Variants in MILR1 observed in about 807,000 individuals in gnomAD.
MILR1 encodes allergin-1.
In MILR1, 31 loss-of-function variants were observed where a neutral mutation model predicts 18.5. The observed-to-expected ratio is 1.68, with a 90% CI of 1.26 to 2.26. The LOEUF is 2.26. Ranked by LOEUF, MILR1 falls within the 30% of genes most tolerant of loss-of-function variation. MILR1 has a pLI of 0.00. For synonymous variants in MILR1, 85 were observed against 56.2 expected (o/e 1.51, Z -2.30); for missense variants, 257 against 157.4 (o/e 1.63, Z -3.38).
chr17:64,466,159 C>A (rs575123110), intron 6 of MILR1, among the ~76,000 whole-genome samples: 1 of 152,282 alleles, frequency 6.6e-6, no homozygotes, highest in East Asian at 1.9e-4. Flanking sequence ...ATAAAACCAT[C>A]AGATCTTGTG....
At chr17:64,465,641 G>A in intron 6 of MILR1, 100 bp downstream of exon 6, 1 of 1,261,614 alleles carries the variant, frequency 7.9e-7, no homozygotes, top group Non-Finnish European at 1.1e-6. Context: ...TGGAGCAAAA[G>A]GGATAGAGTT....
the MILR1 span, chr17:64,491,705 C>A: frequency 9.8e-7 from 1 of 1,016,732 alleles, no homozygotes; most frequent in Non-Finnish European, 1.5e-6. Flanking sequence ...CGGGGTTTAC[C>A]ATGGTGCTGG....
intron 2 of MILR1, among the ~76,000 whole-genome samples, chr17:64,450,988 G>A (rs1181042372): frequency 1.3e-5 from 2 of 151,962 alleles, no homozygotes; most frequent in Non-Finnish European, 2.9e-5. Context: ...AAGGTCATAG[G>A]GCATACACAT....
chr17:64,494,125 AG>A, the MILR1 span, among the ~76,000 whole-genome samples: 1 of 152,222 alleles, frequency 6.6e-6, no homozygotes, highest in Admixed American at 6.5e-5. Flanking sequence ...ATTTGAATCT[AG>A]AACATTTCCC....
downstream of MILR1, among the ~76,000 whole-genome samples, chr17:64,472,974 G>A (rs1359256435): frequency 6.6e-6 from 1 of 152,224 alleles, no homozygotes; most frequent in African/African-American, 2.4e-5. Context: ...ATCTTGCTGG[G>A]ATGAGGAGCT....
the MILR1 span, among the ~76,000 whole-genome samples, chr17:64,495,070 C>T: frequency 6.7e-6 from 1 of 150,066 alleles, no homozygotes; most frequent in Non-Finnish European, 1.5e-5. Flanking sequence ...CCCAGCTACT[C>T]GGGAGGCTGA....
intron 4 of MILR1, among the ~76,000 whole-genome samples, chr17:64,459,377 G>A (rs2037371730): frequency 6.6e-6 from 1 of 152,100 alleles, no homozygotes; most frequent in Non-Finnish European, 1.5e-5. Context: ...AGGCTGCAGT[G>A]AGCTGTGATC....
the MILR1 span, among the ~76,000 whole-genome samples, chr17:64,481,650 A>G: frequency 6.6e-6 from 1 of 152,152 alleles, no homozygotes; most frequent in South Asian, 2.1e-4. Flanking sequence ...AGGTGGGCGG[A>G]TCACTTGAGG....
At chr17:64,489,523 G>A in the MILR1 span, among the ~76,000 whole-genome samples, 1 of 151,238 alleles carries the variant, frequency 6.6e-6, no homozygotes. Flanking sequence ...CATTTTGGGA[G>A]GCTGAGGCAG....
chr17:64,496,321 G>A, the MILR1 span: 20 of 814,518 alleles, frequency 2.5e-5, no homozygotes, highest in Non-Finnish European at 3.0e-5. Context: ...GGGAATACAG[G>A]GCCAGTTGCA....
the MILR1 span, among the ~76,000 whole-genome samples, chr17:64,489,932 T>C: frequency 7.1e-6 from 1 of 140,450 alleles, no homozygotes; most frequent in East Asian, 2.0e-4. Flanking sequence ...AATTTTTTTG[T>C]TTTTTTTTTT....
At chr17:64,481,426 T>G in the MILR1 span, 17 of 985,168 alleles carry the variant, frequency 1.7e-5, no homozygotes, top group Non-Finnish European at 2.0e-5. Context: ...CAGACAGAAA[T>G]GACGACTGCT....
intron 4 of MILR1, among the ~76,000 whole-genome samples, chr17:64,458,661 G>C (rs2037356586): frequency 6.6e-6 from 1 of 151,894 alleles, no homozygotes; most frequent in Admixed American, 6.6e-5. Context: ...GCTCTGGTCT[G>C]GTACCTCCAG....
the MILR1 span, chr17:64,485,172 C>T: frequency 6.5e-6 from 1 of 154,506 alleles, no homozygotes; most frequent in Non-Finnish European, 1.4e-5. Context: ...TTTCCTTCAT[C>T]TTGCCCCATT....
At chr17:64,464,061 A>C (rs2037492106) in intron 5 of MILR1, among the ~76,000 whole-genome samples, 1 of 149,744 alleles carries the variant, frequency 6.7e-6, no homozygotes. Context: ...TGACCTCGTG[A>C]TCCGCCCACC....
the MILR1 span, among the ~76,000 whole-genome samples, chr17:64,488,730 A>G: frequency 2.0e-5 from 3 of 152,156 alleles, no homozygotes; most frequent in East Asian, 5.8e-4. Context: ...CCAGTTAATA[A>G]GCCTTCTAGT....
chr17:64,450,142 G>A (rs933146604), intron 2 of MILR1, among the ~76,000 whole-genome samples: 30 of 152,032 alleles, frequency 2.0e-4, no homozygotes, highest in Non-Finnish European at 1.3e-4. Flanking sequence ...GTTTCACATC[G>A]TTAGCCAGGA....
rs1417413036 is a variant in MILR1, at chr17:64,455,696, G to A, written c.368-1704G>A. Among the ~76,000 whole-genome samples, 37 of 148,182 alleles carry A rather than the reference G, an allele frequency of 2.5e-4. No individual in the cohort carries two copies. The Admixed American group carries it at 2.5e-3, about 10-fold the overall frequency. ...AGGATGGTCTCAATCTCCTGACCTC[G>A]TGATCTGCCCACCTCGGCCTCCCAA... On this transcript the variant is annotated intron_variant, in intron 3 of 9. Transcript: ENST00000619286.
chr17:64,496,382 T>C, the MILR1 span: 1 of 1,498,624 alleles, frequency 6.7e-7, no homozygotes, highest in Non-Finnish European at 9.1e-7. Context: ...ACACCTGTTT[T>C]GAAGCATGAA....
Sources: gnomAD v4.1 joint callset for allele counts (sites outside exome capture counted in the v4.1 genomes callset) on GRCh38, gnomAD v4.1.1 for gene constraint, MANE v1.5 for transcripts, NCBI Gene and HGNC (gene_info 2026-07-23, HGNC 2026-07-21) for gene names.